The following PSME2 variants were observed in gnomAD, a reference collection of about 807,000 sequenced individuals.
PSME2 encodes proteasome activator subunit 2.
Under a neutral mutation model 38.8 loss-of-function variants are expected in PSME2, and 20 were observed. That is an observed-to-expected ratio of 0.52 (90% CI 0.36 to 0.75). PSME2 has a LOEUF of 0.75. Ranked by LOEUF, PSME2 falls within the 30% of genes least tolerant of loss-of-function variation. The probability of loss-of-function intolerance (pLI) is 0.00; values close to 1 mark genes in which losing one functional copy is unlikely to be tolerated. For missense variants in PSME2, 227 were observed against 287.6 expected, an observed-to-expected ratio of 0.79 and a Z score of 1.52; for synonymous variants, 82 against 102.5, an observed-to-expected ratio of 0.80 and a Z score of 1.21.
chr14:24,144,741 A>C (rs2038124627), intron 6 of PSME2: 1 of 573,984 alleles, frequency 1.7e-6, no homozygotes, highest in African/African-American at 1.9e-5. Flanking sequence ...ATTTGAACCT[A>C]AGCAGTCTCT....
rs767811715 is a variant in PSME2, at chr14:24,145,390, TGGGTGGA to T, written c.213_219del (p.Pro72ArgfsTer48). On this transcript the variant is annotated frameshift_variant, in exon 4 of 11. Coordinates refer to ENST00000216802, the MANE Select transcript of PSME2 (RefSeq NM_002818.3). LOFTEE classifies it high-confidence loss of function. ...CCTGAGTGCCTCACCTCATCATCCTTGGGTGGAGGGTCTGGGATGGGGATGTCCAGTG... is the reference window on the plus strand; with the variant it reads ...CCTGAGTGCCTCACCTCATCATCCTTGGGTCTGGGATGGGGATGTCCAGTG... 6.3e-7 allele frequency: 1 copy of T among 1,591,040 alleles called. No homozygotes were observed. Among genetic ancestry groups the T allele is most frequent in the Non-Finnish European group, 8.6e-7 (1 of 1,168,380 alleles).
chr14:24,144,962 A>T, intron 6 of PSME2, 96 bp downstream of exon 6: 1 of 1,254,786 alleles, frequency 8.0e-7, no homozygotes. Context: ...CTTTTTCAGG[A>T]CTAGGTCTCT....
In PSME2 at chr14:24,143,631, G is replaced by C; in HGVS notation, c.593C>G (p.Ala198Gly). 6.2e-7 allele frequency: 1 copy of C among 1,614,060 alleles called. No homozygotes were observed. Among genetic ancestry groups the C allele is most frequent in the Non-Finnish European group, 8.5e-7 (1 of 1,180,030 alleles). Residue 198 changes from alanine (A) to glycine (G), a missense_variant, in exon 10 of 11, where the codon GCC becomes GGC. Ala to Gly is a moderately conservative substitution (Grantham distance 60). Transcript: ENST00000216802. This position sits in a 1 kb window ranked among gnomAD's most constrained non-coding sequence, Gnocchi z 4.4. ...CACCATGGCCCTGAGCTCCCCATAG[G>C]CTGCCTCATCTCGCTCATGCACCAA... Reference protein sequence around the residue: ...RALVHERDEAAYGELRAMVLD... With the variant: ...RALVHERDEAGYGELRAMVLD...
At chr14:24,145,313 C>T (rs1486634975) in intron 4 of PSME2, 40 bp from the exon 5 acceptor site, 1 of 1,612,264 alleles carries the variant, frequency 6.2e-7, no homozygotes. Context: ...AGAAAAGTCA[C>T]AGAGGTTGAA....
chr14:24,145,362 C>T lies in PSME2; in HGVS notation c.231+17G>A. On this transcript the variant is annotated intron_variant, in intron 4 of 10. Coordinates refer to ENST00000216802, the MANE Select transcript of PSME2 (RefSeq NM_002818.3). ...CATTGGGTTTATAGTCCAAGTCCTGCACCCTGAGTGCCTCACCTCATCATC... is the reference window on the plus strand; with the variant it reads ...CATTGGGTTTATAGTCCAAGTCCTGTACCCTGAGTGCCTCACCTCATCATC... 1 of 1,606,658 alleles carries T rather than the reference C, an allele frequency of 6.2e-7. No homozygotes were observed. The highest frequency in any genetic ancestry group is 1.1e-5 in the South Asian group (1 of 89,878).
rs1464835688 is a variant in PSME2 at position 24,146,551 on chromosome 14, C to T, written c.31G>A (p.Gly11Arg). MAKPCGVRLS[G>R]EARKQVEVFR... ...CCCATTACCTGTTTGCGGGCTTCCC[C>T]GCTCAGGCGCACCCCACACGGCTTG... The change falls in exon 1 of 11, where the codon GGG becomes AGG. Residue 11 changes from glycine (G) to arginine (R), a missense_variant. Transcript: ENST00000216802. 1.2e-6 allele frequency: 2 copies of T among 1,613,968 alleles called. No individual in the cohort carries two copies. Among genetic ancestry groups the T allele is most frequent in the Admixed American group, 3.3e-5 (2 of 60,028 alleles).
In PSME2 at chr14:24,143,497, A is replaced by G. The variant is rs1296802347; in HGVS notation, c.640-8T>C. 2.5e-6 allele frequency: 4 copies of G among 1,614,030 alleles called. No homozygotes were observed. The highest frequency in any genetic ancestry group is 3.4e-6 in the Non-Finnish European group (4 of 1,179,940). On this transcript the variant is annotated splice_polypyrimidine_tract_variant and splice_region_variant and intron_variant, in intron 10 of 10. Coordinates refer to ENST00000216802, the MANE Select transcript of PSME2 (RefSeq NM_002818.3). This position sits in a 1 kb window ranked among gnomAD's most constrained non-coding sequence, Gnocchi z 4.4. Reference sequence around the variant, plus strand: ...GATATGATAAAGCTCAGCCTGGGAGAAGGCCAGAGTGCAAGAGTCAGGTTC... The same window carrying G: ...GATATGATAAAGCTCAGCCTGGGAGGAGGCCAGAGTGCAAGAGTCAGGTTC...
At chr14:24,144,559 TG>T (rs2139067893) in intron 6 of PSME2, 91 bp from the exon 7 acceptor site, 1 of 1,261,550 alleles carries the variant, frequency 7.9e-7, no homozygotes, top group South Asian at 1.2e-5. Context: ...TATATTTAAT[TG>T]GGTACTTATT....
At position 24,144,442 on chromosome 14, in the gene PSME2, G is replaced by GA; in HGVS notation, c.386dup (p.Lys131GlnfsTer3). 6.2e-7 allele frequency: 1 copy of GA among 1,613,500 alleles called. No individual in the cohort carries two copies. The highest frequency in any genetic ancestry group is 8.5e-7 in the Non-Finnish European group (1 of 1,179,394). On this transcript the variant is annotated frameshift_variant, in exon 7 of 11. Transcript: ENST00000216802. LOFTEE classifies it high-confidence loss of function. ...AATCATTTCCATCTTCAATCTTGGGGATCAGGTGTTGGATCCATGTAATCA... is the reference window on the plus strand; with the variant it reads ...AATCATTTCCATCTTCAATCTTGGGGAATCAGGTGTTGGATCCATGTAATCA...
intron 2 of PSME2, 117 bp downstream of exon 2, chr14:24,146,091 T>C: frequency 7.7e-7 from 1 of 1,306,428 alleles, no homozygotes; most frequent in Non-Finnish European, 1.1e-6. Context: ...GGGTGAAGGC[T>C]TGGTAAGGGA....
intron 8 of PSME2, 33 bp from the exon 9 acceptor site, chr14:24,144,062 G>C: frequency 1.9e-6 from 3 of 1,612,524 alleles, no homozygotes; most frequent in Non-Finnish European, 2.5e-6. Context: ...ACAGGAATGA[G>C]TGTTCAGGGA....
chr14:24,144,267 G>T lies in PSME2; in HGVS notation c.430-8C>A. ...CCTCTCCAGCACCTTCTCCTGTGGT[G>T]ACACGGGAGGCAAAGACAACACTTC... On this transcript the variant is annotated splice_region_variant and splice_polypyrimidine_tract_variant and intron_variant, in intron 7 of 10. Transcript: ENST00000216802. 1 of 1,614,024 alleles carries T rather than the reference G, an allele frequency of 6.2e-7. No individual in the cohort carries two copies. Among genetic ancestry groups the T allele is most frequent in the South Asian group, 1.1e-5 (1 of 91,076 alleles).
chr14:24,145,932 G>T, intron 2 of PSME2, 160 bp from the exon 3 acceptor site: 1 of 872,544 alleles, frequency 1.1e-6, no homozygotes, highest in East Asian at 2.6e-5. Context: ...CTGGTAAATG[G>T]CAGAACGAAG....
In PSME2 at chr14:24,143,690, A is replaced by T. The variant is rs778966429; in HGVS notation, c.553-19T>A. The T allele has an allele frequency of 1.9e-6, 3 of 1,612,038 alleles. No individual in the cohort carries two copies. The South Asian group carries it at 3.3e-5, about 18-fold the overall frequency. ...AATCCATCTGCAATGTGGGAGGCAA[A>T]GCTGAGTCAGTCCCATGGGAGGCTG... On this transcript the variant is annotated intron_variant, in intron 9 of 10. Transcript: ENST00000216802. The surrounding 1 kb of genome is among the most constrained non-coding windows in gnomAD (Gnocchi z 4.4).
rs1305438448 is a variant in PSME2 at position 24,145,060 on chromosome 14, G to A, written c.358C>T (p.Leu120=). Residue 120 remains leucine, a splice_region_variant and synonymous_variant, in exon 6 of 11, where the codon CTG becomes TTG. Coordinates refer to ENST00000216802, the MANE Select transcript of PSME2 (RefSeq NM_002818.3). ...EVWTLKEKCI[L]VITWIQHLIP... The stretch of plus-strand genomic sequence containing the variant: ...CTTCCCCCATTTCCCAGGCTTACCA[G>A]AATGCATTTCTCTTTGAGAGTCCAG... 1 of 1,611,434 alleles carries A rather than the reference G, an allele frequency of 6.2e-7. No individual in the cohort carries two copies. Among genetic ancestry groups the A allele is most frequent in the East Asian group, 2.2e-5 (1 of 44,876 alleles).
At chr14:24,145,542 C>A in intron 3 of PSME2, 77 bp from the exon 4 acceptor site, 1 of 1,480,836 alleles carries the variant, frequency 6.8e-7, no homozygotes, top group South Asian at 1.3e-5. Context: ...CCATACATCC[C>A]ACTTGCACTC....
At chr14:24,144,153 T>C (rs753968734) in intron 8 of PSME2, 39 bp downstream of exon 8, 6 of 1,613,488 alleles carry the variant, frequency 3.7e-6, no homozygotes, top group Non-Finnish European at 5.1e-6. Context: ...AAAGAAATGC[T>C]CCTACTGCCC....
intron 2 of PSME2, 152 bp from the exon 3 acceptor site, chr14:24,145,924 G>T: frequency 1.1e-6 from 1 of 907,190 alleles, no homozygotes; most frequent in Non-Finnish European, 1.8e-6. Flanking sequence ...TGCCCAAGCT[G>T]GTAAATGGCA....
intron 5 of PSME2, 22 bp downstream of exon 5, chr14:24,145,221 A>C (rs779227996): frequency 2.7e-4 from 436 of 1,613,506 alleles, no homozygotes; most frequent in Non-Finnish European, 3.5e-4. Flanking sequence ...CCCCTTCCCT[A>C]GTCACCTCTT....
Sources: gnomAD v4.1 joint callset for allele counts on GRCh38, gnomAD v4.1.1 for gene constraint, Gnocchi (gnomAD v3.1) non-coding constraint, MANE v1.5 for transcripts, NCBI Gene and HGNC (gene_info 2026-07-23, HGNC 2026-07-21) for gene names.